Variants in TMPRSS6 observed in about 807,000 individuals in gnomAD.
TMPRSS6 encodes the protein transmembrane serine protease 6, also known as transmembrane protease serine 6.
In TMPRSS6, 67 loss-of-function variants were observed where a neutral mutation model predicts 101.5. That is an observed-to-expected ratio of 0.66 (90% CI 0.54 to 0.81). The LOEUF is 0.81. Among genes scored for constraint, TMPRSS6 ranks in the 30% least tolerant of loss-of-function variants. The pLI, the probability that TMPRSS6 is intolerant of heterozygous loss-of-function variation, is 0.00. For missense variants in TMPRSS6, 1,034 were observed against 1,088.7 expected (o/e 0.95, Z 0.71); for synonymous variants, 453 against 464.9 (o/e 0.97, Z 0.33).
intron 8 of TMPRSS6, 40 bp from the exon 9 acceptor site, chr22:37,084,879 C>T (rs1385493829): frequency 6.7e-7 from 1 of 1,493,870 alleles, no homozygotes; most frequent in Non-Finnish European, 9.1e-7. Flanking sequence ...GGTCCCCTGG[C>T]TGCACCTCCC....
intron 8 of TMPRSS6, 33 bp from the exon 9 acceptor site, chr22:37,084,872 C>T (rs1601545734): frequency 6.6e-7 from 1 of 1,524,644 alleles, no homozygotes; most frequent in East Asian, 2.5e-5. Flanking sequence ...ACACAGGGGT[C>T]CCCTGGCTGC....
chr22:37,078,432 CCTGT>C (rs994703056), intron 10 of TMPRSS6, among the ~76,000 whole-genome samples: 2 of 152,124 alleles, frequency 1.3e-5, no homozygotes, highest in African/African-American at 4.8e-5. Context: ...TACCCGGGAA[CCTGT>C]CTGTCTGGGC....
intron 6 of TMPRSS6, 137 bp downstream of exon 6, chr22:37,095,414 A>G: frequency 1.8e-6 from 2 of 1,095,640 alleles, no homozygotes; most frequent in Non-Finnish European, 2.7e-6. Context: ...TGAGTCCACC[A>G]TGGCATCCCC....
At chr22:37,093,917 G>A (rs928543984) in intron 6 of TMPRSS6, among the ~76,000 whole-genome samples, 1 of 151,976 alleles carries the variant, frequency 6.6e-6, no homozygotes, top group African/African-American at 2.4e-5. Context: ...CAGCTACTCA[G>A]GAGGCTGAAG....
chr22:37,066,886 G>A lies in TMPRSS6; in HGVS notation c.2190C>T (p.Tyr730=), dbSNP rs2235321. The A allele has an allele frequency of 0.38, 609,660 of 1,613,618 alleles. 117,508 individuals carry two copies. Among genetic ancestry groups the A allele is most frequent in the East Asian group, 0.44 (19,805 of 44,850 alleles). Residue 730 remains tyrosine, a synonymous_variant, in exon 17 of 18, where the codon TAC becomes TAT. Coordinates refer to ENST00000676104, the MANE Select transcript of TMPRSS6 (RefSeq NM_001374504.1). ...CACACAGCATGCGTGGCGTCACCTG[G>A]TAGCGATAGACCTCGCTGCACAGGT... ...PQDLCSEVYR[Y]QVTPRMLCAG...
chr22:37,100,274 G>A (rs1005979620), intron 2 of TMPRSS6, among the ~76,000 whole-genome samples: 11 of 152,254 alleles, frequency 7.2e-5, no homozygotes, highest in Non-Finnish European at 1.6e-4. Context: ...CCCCAAGCGA[G>A]GTTTTAAGCA....
At chr22:37,094,096 G>A (rs1384303269) in intron 6 of TMPRSS6, among the ~76,000 whole-genome samples, 1 of 152,016 alleles carries the variant, frequency 6.6e-6, no homozygotes, top group Non-Finnish European at 1.5e-5. Context: ...CGGTGTCCAG[G>A]CTGCAATGAG....
chr22:37,086,352 C>T lies in TMPRSS6; in HGVS notation c.904G>A (p.Val302Ile), dbSNP rs1017672724. Reference sequence around the variant, plus strand: ...TAGCTGTGCAGGCCCTTCTTCCAGACGACCGCCATGATGGCCCCCGACGCC... The same window carrying T: ...TAGCTGTGCAGGCCCTTCTTCCAGATGACCGCCATGATGGCCCCCGACGCC... ...VLASGAIMAV[V>I]WKKGLHSYYD... is the part of the protein sequence containing the mutation. Residue 302 changes from valine to isoleucine, a missense_variant, in exon 8 of 18, where the codon GTC becomes ATC. Val to Ile is a conservative substitution (Grantham distance 29). Transcript: ENST00000676104. 106 of 1,612,696 alleles carry T rather than the reference C, an allele frequency of 6.6e-5. No individual in the cohort carries two copies. Among genetic ancestry groups the T allele is most frequent in the East Asian group, 1.6e-4 (7 of 44,870 alleles).
At chr22:37,106,262 G>A (rs917127731) in intron 1 of TMPRSS6, among the ~76,000 whole-genome samples, 2 of 151,968 alleles carry the variant, frequency 1.3e-5, no homozygotes, top group Non-Finnish European at 2.9e-5. Flanking sequence ...CCTGATCACT[G>A]AGCCCTACTA....
intron 10 of TMPRSS6, among the ~76,000 whole-genome samples, chr22:37,078,889 AAGG>A (rs1318383720): frequency 6.8e-6 from 1 of 146,616 alleles, no homozygotes. Context: ...AAGAAGGGAA[AAGG>A]AGAATAAGGA....
rs777275515 is a variant in TMPRSS6, at chr22:37,098,479, G to A, written c.273C>T (p.Ser91=). The change falls in exon 3 of 18, where the codon TCC becomes TCT. Residue 91 remains serine (S), a synonymous_variant. Transcript: ENST00000676104. ...GSLRVLNRHF[S]QDLTRRESSA... Reference sequence around the variant, plus strand: ...TAGATTCCCGGCGGGTAAGATCCTGGGAGAAGTGGCGATTGAGTACACGCA... The same window carrying A: ...TAGATTCCCGGCGGGTAAGATCCTGAGAGAAGTGGCGATTGAGTACACGCA... 1 of 1,614,052 alleles carries A rather than the reference G, an allele frequency of 6.2e-7. No homozygotes were observed. The highest frequency in any genetic ancestry group is 2.2e-5 in the East Asian group (1 of 44,878).
intron 6 of TMPRSS6, among the ~76,000 whole-genome samples, chr22:37,095,134 T>G (rs1929633238): frequency 6.6e-6 from 1 of 152,176 alleles, no homozygotes; most frequent in Non-Finnish European, 1.5e-5. Flanking sequence ...ATGGCACCGC[T>G]ACCTCCAAAA....
At position 37,075,139 on chromosome 22, in the gene TMPRSS6, C is replaced by G. The variant is rs776737568; in HGVS notation, c.1338G>C (p.Ser446=). Residue 446 remains serine, a synonymous_variant, in exon 11 of 18, where the codon TCG becomes TCC. Coordinates refer to ENST00000676104, the MANE Select transcript of TMPRSS6 (RefSeq NM_001374504.1). ...CCCCCGGCTGCCCATACTCACGGTC[C>G]GACTGGTTGTACAAGCCATAGTGCA... ...VRVHYGLYNQ[S]DPCPGEFLCS... 1.2e-6 allele frequency: 2 copies of G among 1,613,748 alleles called. No individual in the cohort carries two copies. The highest frequency in any genetic ancestry group is 1.7e-5 in the Admixed American group (1 of 60,032).
In TMPRSS6 at chr22:37,065,970, G is replaced by T. The variant is rs1047395132; in HGVS notation, c.*110C>A. ...AAGATGCCACCTCCTGCCACCACAG[G>T]GCCTGCTCTCTCCCCCACCCCCCGC... is the stretch of plus-strand genomic sequence containing the variant. On this transcript the variant is annotated 3_prime_UTR_variant, in exon 18 of 18. Coordinates refer to ENST00000676104, the MANE Select transcript of TMPRSS6 (RefSeq NM_001374504.1). 4 of 1,430,900 alleles carry T rather than the reference G, an allele frequency of 2.8e-6. No homozygotes were observed. Among genetic ancestry groups the T allele is most frequent in the African/African-American group, 1.4e-5 (1 of 71,218 alleles). 88.6% of individuals were successfully genotyped at this position (1,430,900 alleles called of 1,614,324 possible). A position where few individuals can be genotyped will look rare whatever the true frequency, so the allele number is the denominator to read the frequency against.
intron 2 of TMPRSS6, among the ~76,000 whole-genome samples, chr22:37,100,812 GGAGA>G (rs1308163109): frequency 1.3e-5 from 2 of 152,194 alleles, no homozygotes; most frequent in Non-Finnish European, 2.9e-5. Flanking sequence ...AGAAGCGGGT[GGAGA>G]GAGAAAGGAG....
chr22:37,102,097 A>G (rs956707219), intron 2 of TMPRSS6, among the ~76,000 whole-genome samples: 2 of 152,218 alleles, frequency 1.3e-5, no homozygotes, highest in Admixed American at 1.3e-4. Context: ...CCACTGCTAC[A>G]AAGTTGGTCC....
Position 37,095,959 on chromosome 22 carries a change from GC to G in TMPRSS6, c.535del (p.Ala179ProfsTer15). 1 of 1,614,128 alleles carries G rather than the reference GC, an allele frequency of 6.2e-7. No homozygotes were observed. Among genetic ancestry groups the G allele is most frequent in the African/African-American group, 1.3e-5 (1 of 75,058 alleles). ...TTCGTACTCGGCCCTGTAGGGGACG[GC>G]AGCCGAGCTGTTGACTGTGGACAGC... Reference protein sequence around the residue: ...ELLSTVNSSAAVPYRAEYEVD... With the variant: ...ELLSTVNSSAXVPYRAEYEVD... On this transcript the variant is annotated frameshift_variant, in exon 5 of 18. Transcript: ENST00000676104. LOFTEE classifies it high-confidence loss of function.
chr22:37,078,829 AGAG>A (rs200675010), intron 10 of TMPRSS6, among the ~76,000 whole-genome samples: 2,682 of 142,358 alleles, frequency 0.019, 30 homozygotes, highest in Non-Finnish European at 0.028. Flanking sequence ...AGAAGAAGAA[AGAG>A]GAGGAGGAGA....
At chr22:37,102,762 T>G (rs1011330909) in intron 2 of TMPRSS6, among the ~76,000 whole-genome samples, 2 of 152,092 alleles carry the variant, frequency 1.3e-5, no homozygotes, top group African/African-American at 4.8e-5. Flanking sequence ...GAGGAGAACC[T>G]AGGCTAGGCT....
Sources: gnomAD v4.1 joint callset for allele counts (sites outside exome capture counted in the v4.1 genomes callset) on GRCh38, gnomAD v4.1.1 for gene constraint, MANE v1.5 for transcripts, NCBI Gene and HGNC (gene_info 2026-07-23, HGNC 2026-07-21) for gene names.